The following GNAO1 variants were observed in gnomAD, a reference collection of about 807,000 sequenced individuals.
GNAO1 encodes the protein G protein subunit alpha o1.
For missense variants in GNAO1, 166 were observed against 478.7 expected, an observed-to-expected ratio of 0.35 and a Z score of 6.10; for synonymous variants, 164 against 180.7, an observed-to-expected ratio of 0.91 and a Z score of 0.74.
At chr16:56,344,946 G>A (rs1367493614) in intron 6 of GNAO1, 18 of 982,244 alleles carry the variant, frequency 1.8e-5, no homozygotes, top group African/African-American at 1.2e-4. Context: ...AGAAATCAGC[G>A]AGTTTGTTCA....
intron 2 of GNAO1, among the ~76,000 whole-genome samples, chr16:56,261,269 G>A (rs2036901168): frequency 6.6e-6 from 1 of 152,190 alleles, no homozygotes; most frequent in Non-Finnish European, 1.5e-5. Flanking sequence ...CTCCTAGGCA[G>A]GGAGCTGAGA....
chr16:56,210,690 A>G (rs2036378243), intron 2 of GNAO1, among the ~76,000 whole-genome samples: 2 of 152,244 alleles, frequency 1.3e-5, no homozygotes, highest in African/African-American at 2.4e-5. Context: ...ATCTTTTCAT[A>G]TGCTTATTTG....
intron 2 of GNAO1, among the ~76,000 whole-genome samples, chr16:56,214,011 G>C (rs915113159): frequency 6.6e-5 from 10 of 152,158 alleles, no homozygotes; most frequent in Non-Finnish European, 1.3e-4. Flanking sequence ...GTGGTGTCCT[G>C]TGGATGTGTG....
chr16:56,254,820 A>C (rs1236113011), intron 2 of GNAO1, among the ~76,000 whole-genome samples: 1 of 152,150 alleles, frequency 6.6e-6, no homozygotes, highest in Non-Finnish European at 1.5e-5. Flanking sequence ...TAGAGAACAC[A>C]GGGAAAGTTC....
rs1160220298 is a variant in GNAO1 at position 56,354,558 on chromosome 16, A to C, written c.878-308A>C. On this transcript the variant is annotated intron_variant, in intron 7 of 8. Transcript: ENST00000262493. This position sits in a 1 kb window ranked among gnomAD's most constrained non-coding sequence, Gnocchi z 4.3. ...GGGCGTGGTGGCACGCGCCTGTATT[A>C]CCAGCTACTCAGGAGGCTGAGGCAG... Among the ~76,000 whole-genome samples the C allele has an allele frequency of 1.3e-5, 2 of 152,026 alleles. No homozygotes were observed.
chr16:56,299,978 C>G (rs1388584863), intron 3 of GNAO1, among the ~76,000 whole-genome samples: 2 of 148,986 alleles, frequency 1.3e-5, no homozygotes, highest in African/African-American at 5.0e-5. Flanking sequence ...CTGGAGCTGC[C>G]ACCTCAGAAA....
intron 3 of GNAO1, among the ~76,000 whole-genome samples, chr16:56,285,467 G>A (rs2037157554): frequency 6.6e-6 from 1 of 152,140 alleles, no homozygotes; most frequent in African/African-American, 2.4e-5. Context: ...CTGGAGAGGG[G>A]CCATTGTGTG....
intron 2 of GNAO1, among the ~76,000 whole-genome samples, chr16:56,246,087 C>G (rs2036741828): frequency 6.6e-6 from 1 of 152,124 alleles, no homozygotes; most frequent in Non-Finnish European, 1.5e-5. Flanking sequence ...TGGGTCAGCC[C>G]TCTTTCCTCA....
chr16:56,302,098 C>T (rs2037351399), intron 3 of GNAO1: 1 of 152,446 alleles, frequency 6.6e-6, no homozygotes, highest in Non-Finnish European at 1.5e-5. Context: ...AGCTCACAAT[C>T]TACTTCAGCC....
chr16:56,341,301 A>G (rs2037801170), intron 6 of GNAO1, among the ~76,000 whole-genome samples: 1 of 152,176 alleles, frequency 6.6e-6, no homozygotes, highest in East Asian at 1.9e-4. Context: ...CGCCGAGAAG[A>G]TGAGGGGCGG....
chr16:56,199,054 G>C (rs563709956), intron 2 of GNAO1, among the ~76,000 whole-genome samples: 5 of 152,312 alleles, frequency 3.3e-5, no homozygotes, highest in Admixed American at 3.3e-4. Context: ...GAAAGAGTTG[G>C]ACCAGGGCTA....
chr16:56,233,985 A>G (rs1477846565), intron 2 of GNAO1, among the ~76,000 whole-genome samples: 1 of 152,212 alleles, frequency 6.6e-6, no homozygotes, highest in East Asian at 1.9e-4. Context: ...GAAGCATGGT[A>G]TTGATTTGCC....
chr16:56,347,498 G>T (rs2037882188), intron 6 of GNAO1: 2 of 985,146 alleles, frequency 2.0e-6, no homozygotes, highest in South Asian at 9.4e-5. Flanking sequence ...CCAGAGAGGA[G>T]CTGGGGCCTC....
In GNAO1 at chr16:56,351,608, T is replaced by C; in HGVS notation, c.877+71T>C. 2 of 1,279,866 alleles carry C rather than the reference T, an allele frequency of 1.6e-6. No individual in the cohort carries two copies. Among genetic ancestry groups the C allele is most frequent in the Non-Finnish European group, 2.2e-6 (2 of 897,530 alleles). 79.3% of individuals were successfully genotyped at this position (1,279,866 alleles called of 1,614,324 possible). A position where few individuals can be genotyped will look rare whatever the true frequency, so the allele number is the denominator to read the frequency against. ...GGGACCCATGGCTCAGAGAACAGGC[T>C]GCTCGGCCAGCACTGCTGGGGCTAG... On this transcript the variant is annotated intron_variant, in intron 7 of 8. Coordinates refer to ENST00000262493, the MANE Select transcript of GNAO1 (RefSeq NM_020988.3). This position sits in a 1 kb window ranked among gnomAD's most constrained non-coding sequence, Gnocchi z 6.1.
chr16:56,337,686 G>A (rs1006678054), intron 6 of GNAO1, among the ~76,000 whole-genome samples: 9 of 151,036 alleles, frequency 6.0e-5, no homozygotes, highest in African/African-American at 2.5e-5. Context: ...CAGTGGGGTG[G>A]GTGATGCGTG....
At chr16:56,235,162 C>T (rs1481027653) in intron 2 of GNAO1, 1 of 369,268 alleles carries the variant, frequency 2.7e-6, no homozygotes, top group Non-Finnish European at 5.3e-6. Context: ...AAAGCTCATG[C>T]TCCCTTGAAG....
In GNAO1 at chr16:56,354,743, C is replaced by T; in HGVS notation, c.878-123C>T. 1.6e-6 allele frequency: 1 copy of T among 614,014 alleles called. No homozygotes were observed. Among genetic ancestry groups the T allele is most frequent in the South Asian group, 2.0e-5 (1 of 50,024 alleles). The allele number at this position is 614,014 out of a possible 1,614,324, so 38.0% of individuals were successfully genotyped here. On this transcript the variant is annotated intron_variant, in intron 7 of 8. Transcript: ENST00000262493. The surrounding 1 kb of genome is among the most constrained non-coding windows in gnomAD (Gnocchi z 4.3). ...AACTGCCCAGCAGTTCCTACTGCTCCCTTCCTGTCTCATCCCACTTCCTGG... is the reference window on the plus strand; with the variant it reads ...AACTGCCCAGCAGTTCCTACTGCTCTCTTCCTGTCTCATCCCACTTCCTGG...
chr16:56,268,362 A>G (rs1307772712), intron 2 of GNAO1, among the ~76,000 whole-genome samples: 3 of 152,212 alleles, frequency 2.0e-5, no homozygotes, highest in Non-Finnish European at 2.9e-5. Flanking sequence ...CTTACCATCT[A>G]GATTGAGAAG....
At chr16:56,284,927 A>T (rs538036362) in intron 3 of GNAO1, among the ~76,000 whole-genome samples, 1 of 152,322 alleles carries the variant, frequency 6.6e-6, no homozygotes, top group Non-Finnish European at 1.5e-5. Context: ...GCGTGCTTCC[A>T]TTCATGTGTT....
Sources: gnomAD v4.1 joint callset for allele counts (sites outside exome capture counted in the v4.1 genomes callset) on GRCh38, gnomAD v4.1.1 for gene constraint, Gnocchi (gnomAD v3.1) non-coding constraint, MANE v1.5 for transcripts, NCBI Gene and HGNC (gene_info 2026-07-23, HGNC 2026-07-21) for gene names.